Variants in MYH15 observed in about 807,000 individuals in gnomAD.
MYH15 encodes myosin heavy chain 15, also known as myosin-15.
A neutral mutation model predicts 240.5 loss-of-function variants in MYH15; 227 were observed. That is an observed-to-expected ratio of 0.94 (90% CI 0.85 to 1.05). The LOEUF (loss-of-function observed/expected upper bound fraction) is 1.05. Ranked by LOEUF, MYH15 falls within the 50% of genes least tolerant of loss-of-function variation. MYH15 has a pLI of 0.00. For missense variants in MYH15, 2,217 were observed against 2,247.5 expected (o/e 0.99, Z 0.27); for synonymous variants, 785 against 796.7 (o/e 0.99, Z 0.25).
chr3:108,437,612 G>T lies in MYH15; in HGVS notation c.3163C>A (p.Arg1055=). 6.2e-7 allele frequency: 1 copy of T among 1,613,980 alleles called. No individual in the cohort carries two copies. Residue 1055 remains arginine, a synonymous_variant, in exon 25 of 41, where the codon CGG becomes AGG. Transcript: ENST00000693548. ...CTTTCCAGGTTCTCCATACTTTCCC[G>T]ATTCAGCTTTAAATTGCCCTCCAGT... is the stretch of plus-strand genomic sequence containing the variant. ...HKLEGNLKLN[R]ESMENLESSQ... is the part of the protein sequence containing the mutation.
At chr3:108,403,987 C>T in intron 33 of MYH15, among the ~76,000 whole-genome samples, 1 of 148,294 alleles carries the variant, frequency 6.7e-6, no homozygotes, top group African/African-American at 2.5e-5. Context: ...TTATTTGTTG[C>T]TTTTTTTTTT....
chr3:108,548,755 G>C, the MYH15 span, among the ~76,000 whole-genome samples: 6 of 152,086 alleles, frequency 3.9e-5, no homozygotes, highest in African/African-American at 1.4e-4. Context: ...AATATAACTT[G>C]ATAAGTACCT....
the MYH15 span, among the ~76,000 whole-genome samples, chr3:108,539,246 A>G: frequency 6.6e-6 from 1 of 152,236 alleles, no homozygotes; most frequent in Non-Finnish European, 1.5e-5. Flanking sequence ...ACACAAATAC[A>G]TACTAATGAG....
chr3:108,463,379 G>T, intron 15 of MYH15, 136 bp from the exon 16 acceptor site: 2 of 946,832 alleles, frequency 2.1e-6, no homozygotes, highest in Non-Finnish European at 3.1e-6. Flanking sequence ...CAGTGGCATA[G>T]TCACAGTTCA....
At chr3:108,502,286 C>T (rs1224505290) in intron 2 of MYH15, among the ~76,000 whole-genome samples, 1 of 152,152 alleles carries the variant, frequency 6.6e-6, no homozygotes, top group African/African-American at 2.4e-5. Flanking sequence ...AGTTCAAAAC[C>T]TGTCTCCTCC....
Position 108,416,943 on chromosome 3 carries a change from T to C in MYH15, c.3830-13A>G. 1.3e-6 allele frequency: 2 copies of C among 1,573,482 alleles called. No homozygotes were observed. The highest frequency in any genetic ancestry group is 1.7e-6 in the Non-Finnish European group (2 of 1,144,162). ...CGTAGGAACTCGCCTACAGAAAGAT[T>C]TCACAAAACTACATAATTACAGTCT... On this transcript the variant is annotated splice_polypyrimidine_tract_variant and intron_variant, in intron 28 of 40. Coordinates refer to ENST00000693548, the MANE Select transcript of MYH15 (RefSeq NM_014981.3).
At chr3:108,513,790 G>C (rs1406197241), upstream of MYH15, among the ~76,000 whole-genome samples, 2 of 152,166 alleles carry the variant, frequency 1.3e-5, no homozygotes, top group African/African-American at 4.8e-5. Context: ...TTGTCTGCAT[G>C]ATCCACAGGG....
chr3:108,477,617 C>T (rs183337457), intron 11 of MYH15, among the ~76,000 whole-genome samples: 304 of 152,214 alleles, frequency 2.0e-3, no homozygotes, highest in Non-Finnish European at 2.7e-3. Flanking sequence ...CAACAAAACA[C>T]GGACTTGGGC....
chr3:108,412,314 TC>T (rs1226285289), intron 30 of MYH15, among the ~76,000 whole-genome samples: 2 of 152,174 alleles, frequency 1.3e-5, no homozygotes, highest in Non-Finnish European at 2.9e-5. Context: ...TAAGGGGCTT[TC>T]CCCTTTTTTA....
chr3:108,436,111 T>C (rs1055104208), intron 25 of MYH15, among the ~76,000 whole-genome samples: 13 of 152,206 alleles, frequency 8.5e-5, no homozygotes, highest in Non-Finnish European at 1.6e-4. Context: ...ATGCCACCTT[T>C]ATCGCTTATT....
upstream of MYH15, among the ~76,000 whole-genome samples, chr3:108,511,423 G>A (rs976935017): frequency 3.9e-5 from 6 of 152,174 alleles, no homozygotes; most frequent in African/African-American, 1.4e-4. Flanking sequence ...ATTGGCTCAA[G>A]CAAGGCAAGT....
rs746089445 is a variant in MYH15, at chr3:108,492,639, T to C, written c.776-44A>G. On this transcript the variant is annotated intron_variant, in intron 8 of 40. Transcript: ENST00000693548. ...ATAAAAATTCATACTTAGGCATTCT[T>C]GCAAAATGTAGAAGAAAAGTAATCA... 3.4e-5 allele frequency: 50 copies of C among 1,461,274 alleles called. No homozygotes were observed. The Admixed American group carries it at 8.6e-4, about 25-fold the overall frequency. The allele number at this position is 1,461,274 out of a possible 1,614,324, so 90.5% of individuals were successfully genotyped here.
At chr3:108,509,510 G>C (rs542981127) in intron 1 of MYH15, among the ~76,000 whole-genome samples, 2 of 152,244 alleles carry the variant, frequency 1.3e-5, no homozygotes, top group South Asian at 4.1e-4. Context: ...CTGGAAACTG[G>C]GAACTGATCC....
chr3:108,545,563 G>A, the MYH15 span, among the ~76,000 whole-genome samples: 6 of 151,680 alleles, frequency 4.0e-5, no homozygotes, highest in Non-Finnish European at 8.8e-5. Context: ...ATCTAGATGC[G>A]GTTACCAAAC....
intron 1 of MYH15, among the ~76,000 whole-genome samples, chr3:108,509,334 A>AT (rs139455986): frequency 8.6e-5 from 13 of 151,712 alleles, no homozygotes; most frequent in Admixed American, 2.6e-4. Flanking sequence ...CTTAGGCTCA[A>AT]TTTTTTTTTC....
intron 22 of MYH15, among the ~76,000 whole-genome samples, chr3:108,443,655 G>A (rs1357480172): frequency 6.6e-6 from 1 of 151,984 alleles, no homozygotes; most frequent in East Asian, 1.9e-4. Context: ...TGTAGACAGA[G>A]GCTTGAATGC....
intron 11 of MYH15, among the ~76,000 whole-genome samples, chr3:108,479,790 C>T (rs1250089715): frequency 6.6e-6 from 1 of 152,148 alleles, no homozygotes; most frequent in Non-Finnish European, 1.5e-5. Context: ...GGAATCTTTT[C>T]CAAATTTCCA....
chr3:108,468,003 T>C (rs376022911), intron 14 of MYH15, among the ~76,000 whole-genome samples: 4 of 152,076 alleles, frequency 2.6e-5, no homozygotes, highest in African/African-American at 4.8e-5. Flanking sequence ...TCTCACTCTG[T>C]TGCCCAGGCT....
intron 11 of MYH15, among the ~76,000 whole-genome samples, chr3:108,479,192 TATTTTAATCATATTCCCAA>T (rs1461897759): frequency 6.6e-6 from 1 of 152,220 alleles, no homozygotes; most frequent in Non-Finnish European, 1.5e-5. Context: ...TGTGTAAACA[TATTTTAATCATATTCCCAA>T]ATAGGCTTTA....
Sources: allele counts gnomAD v4.1 joint callset (sites outside exome capture counted in the v4.1 genomes callset), GRCh38; gene constraint gnomAD v4.1.1; transcripts MANE v1.5; gene names NCBI Gene and HGNC (gene_info 2026-07-23, HGNC 2026-07-21).